CYRIB: variants seen among roughly 807,000 people sequenced by gnomAD.
CYRIB encodes CYFIP-related Rac1 interactor B.
CYRIB carries 8 observed loss-of-function variants against 44.2 expected under a neutral mutation model. The ratio of observed to expected loss-of-function variants is 0.18; its 90% CI spans 0.11 to 0.33. CYRIB has a LOEUF of 0.33. CYRIB is among the 10% of genes least tolerant of loss of function. The pLI, the probability that CYRIB is intolerant of heterozygous loss-of-function variation, is 1.00. For missense variants in CYRIB, 185 were observed against 382.8 expected (o/e 0.48, Z 4.31); for synonymous variants, 131 against 127.2 (o/e 1.03, Z -0.20).
In CYRIB at chr8:129,867,951, G is replaced by T. The variant is rs553124230; in HGVS notation, c.195+3424C>A. 2.1e-3 allele frequency among the ~76,000 whole-genome samples: 323 copies of T among 152,280 alleles called. 1 individual carries two copies. Among genetic ancestry groups the T allele is most frequent in the African/African-American group, 7.4e-3 (307 of 41,548 alleles). On this transcript the variant is annotated intron_variant, in intron 4 of 11. Transcript: ENST00000519824. Reference sequence around the variant, plus strand: ...TTTTACAATACTTCTTGCACTAACTGAGATTACTGTTTCTTCACAAACCAA... The same window carrying T: ...TTTTACAATACTTCTTGCACTAACTTAGATTACTGTTTCTTCACAAACCAA...
At position 130,010,109 on chromosome 8, in the gene CYRIB, G is replaced by A. The variant is rs576749445; in HGVS notation, c.-296+6261C>T. Among the ~76,000 whole-genome samples, 5 of 152,300 alleles carry A rather than the reference G, an allele frequency of 3.3e-5. No homozygotes were observed. In the South Asian group the frequency reaches 8.3e-4, roughly 25 times the overall value. On this transcript the variant is annotated intron_variant, in intron 1 of 14. Transcript: ENST00000401979. ...ATCAAAGGATGCTGGTGCTGGGAGG[G>A]GGAAAAGACAGAAAGAGGATTAGTC... is the stretch of plus-strand genomic sequence containing the variant.
intron 4 of CYRIB, among the ~76,000 whole-genome samples, chr8:129,869,891 C>G (rs532157046): frequency 5.3e-5 from 8 of 151,008 alleles, no homozygotes; most frequent in Admixed American, 5.3e-4. Flanking sequence ...TTACCTCCCC[C>G]CCGCCCAAAA....
chr8:129,898,208 A>G (rs924123408), intron 2 of CYRIB, among the ~76,000 whole-genome samples: 1 of 151,808 alleles, frequency 6.6e-6, no homozygotes, highest in Non-Finnish European at 1.5e-5. Flanking sequence ...TTTCCAAAGC[A>G]CCCTGCAGAG....
chr8:129,989,414 A>G (rs2096565637), intron 1 of CYRIB, among the ~76,000 whole-genome samples: 1 of 152,178 alleles, frequency 6.6e-6, no homozygotes, highest in South Asian at 2.1e-4. Context: ...GATTATTTTG[A>G]AGGAACTCAA....
At chr8:129,904,507 T>A (rs2135887918) in intron 1 of CYRIB, 1 of 152,294 alleles carries the variant, frequency 6.6e-6, no homozygotes, top group East Asian at 1.9e-4. Context: ...ACCCTTGGAT[T>A]GGCGTTCCCT....
intron 10 of CYRIB, chr8:129,847,124 G>A: frequency 3.0e-6 from 1 of 329,572 alleles, no homozygotes; most frequent in South Asian, 4.4e-5. Flanking sequence ...AAAACAAACG[G>A]TTTGCTAAGG....
chr8:129,959,900 T>C (rs1046883941), intron 2 of CYRIB, among the ~76,000 whole-genome samples: 3 of 152,154 alleles, frequency 2.0e-5, no homozygotes, highest in Non-Finnish European at 2.9e-5. Context: ...TAGGGAGAGA[T>C]GGTAGCTCTT....
At chr8:129,874,819 A>C (rs2058573113) in intron 3 of CYRIB, among the ~76,000 whole-genome samples, 1 of 152,214 alleles carries the variant, frequency 6.6e-6, no homozygotes, top group South Asian at 2.1e-4. Context: ...GCAAGAGATA[A>C]ATGAAAAAAT....
chr8:129,953,922 A>G (rs2094639495), intron 2 of CYRIB, among the ~76,000 whole-genome samples: 1 of 152,206 alleles, frequency 6.6e-6, no homozygotes, highest in African/African-American at 2.4e-5. Flanking sequence ...TAAAAGTCCG[A>G]AAGAGCTTAG....
intron 1 of CYRIB, among the ~76,000 whole-genome samples, chr8:130,012,203 A>G (rs1263500215): frequency 1.3e-5 from 2 of 150,714 alleles, no homozygotes; most frequent in African/African-American, 2.4e-5. Flanking sequence ...CAAAAGAAGG[A>G]AAAAAAAAAT....
chr8:129,977,892 T>C (rs960705881), intron 1 of CYRIB, among the ~76,000 whole-genome samples: 5 of 152,008 alleles, frequency 3.3e-5, no homozygotes, highest in Non-Finnish European at 2.9e-5. Context: ...GTATTAGCAG[T>C]AGTAGAAGTA....
rs186149333 is a variant in CYRIB, at chr8:129,852,354, C to A, written c.517-76G>T. 1,631 of 832,584 alleles carry A rather than the reference C, an allele frequency of 2.0e-3. 7 individuals carry two copies. The highest frequency in any genetic ancestry group is 2.5e-3 in the Non-Finnish European group (1,407 of 572,596). The allele number at this position is 832,584 out of a possible 1,614,324, so 51.6% of individuals were successfully genotyped here. ...AATAACAATTATACAAGGACCCAGG[C>A]AGGGTGCCTGCCTCAATTACATTTT... On this transcript the variant is annotated intron_variant, in intron 7 of 11. Coordinates refer to ENST00000519824, the Ensembl canonical transcript of CYRIB.
At chr8:129,953,085 T>C (rs985154530) in intron 2 of CYRIB, among the ~76,000 whole-genome samples, 19 of 152,200 alleles carry the variant, frequency 1.2e-4, no homozygotes, top group Admixed American at 1.2e-3. Context: ...GCATTTCATC[T>C]AGGGTCACCT....
intron 2 of CYRIB, among the ~76,000 whole-genome samples, chr8:129,962,023 G>A (rs1236654168): frequency 6.6e-6 from 1 of 152,182 alleles, no homozygotes; most frequent in African/African-American, 2.4e-5. Context: ...GCCGAGGTGG[G>A]AGGATGGCTT....
intron 1 of CYRIB, among the ~76,000 whole-genome samples, chr8:129,930,382 TTA>T (rs1564100292): frequency 3.7e-4 from 47 of 125,962 alleles, no homozygotes; most frequent in Admixed American, 7.1e-4. Context: ...TATATATATT[TTA>T]ATTATTTAAA....
At chr8:129,853,938 T>C (rs142124702) in intron 7 of CYRIB, among the ~76,000 whole-genome samples, 4 of 152,180 alleles carry the variant, frequency 2.6e-5, no homozygotes, top group African/African-American at 9.7e-5. Flanking sequence ...TCTAAGAATA[T>C]AGAGACAAAA....
intron 2 of CYRIB, among the ~76,000 whole-genome samples, chr8:129,885,176 T>A (rs990575461): frequency 1.3e-5 from 2 of 152,240 alleles, no homozygotes; most frequent in African/African-American, 4.8e-5. Flanking sequence ...CTTCCTAGAA[T>A]GCTAGTCCCA....
At chr8:130,006,616 G>GTATATATATATATATATA (rs1354562582) in intron 1 of CYRIB, among the ~76,000 whole-genome samples, 5 of 3,196 alleles carry the variant, frequency 1.6e-3, no homozygotes, top group East Asian at 0.016. Flanking sequence ...ACATATATAT[G>GTATATATATATATATATA]TGTATATATA....
intron 7 of CYRIB, among the ~76,000 whole-genome samples, 188 bp downstream of exon 9, chr8:129,854,078 G>A (rs938554445): frequency 3.3e-5 from 5 of 152,162 alleles, no homozygotes; most frequent in African/African-American, 1.2e-4. Flanking sequence ...AAGAGACTGT[G>A]AAGAAAAACA....
Sources: gnomAD v4.1 joint callset for allele counts (sites outside exome capture counted in the v4.1 genomes callset) on GRCh38, gnomAD v4.1.1 for gene constraint, MANE v1.5 for transcripts, NCBI Gene and HGNC (gene_info 2026-07-23, HGNC 2026-07-21) for gene names.